NUDT9: variants seen among roughly 807,000 people sequenced by gnomAD.
NUDT9 encodes the protein ADP-ribose pyrophosphatase.
Under a neutral mutation model 41.0 loss-of-function variants are expected in NUDT9, and 31 were observed. The ratio of observed to expected loss-of-function variants is 0.76; its 90% confidence interval spans 0.57 to 1.02. The LOEUF is 1.02. Ranked by LOEUF, NUDT9 falls within the 50% of genes least tolerant of loss-of-function variation. The probability of loss-of-function intolerance (pLI) is 0.00; values close to 1 mark genes in which losing one functional copy is unlikely to be tolerated. For synonymous variants in NUDT9, 146 were observed against 147.6 expected (o/e 0.99, Z 0.08); for missense variants, 380 against 431.4 (o/e 0.88, Z 1.06).
In NUDT9 at chr4:87,434,977, C is replaced by G; in HGVS notation, c.108-4C>G. ...TGTAAAATGTTTTTCTTTTTCTCCC[C>G]CAGAAACTCGTTTTCATCTTCTTGG... On this transcript the variant is annotated splice_region_variant and splice_polypyrimidine_tract_variant and intron_variant, in intron 1 of 7. Transcript: ENST00000302174. 1.2e-6 allele frequency: 2 copies of G among 1,601,130 alleles called. No individual in the cohort carries two copies. Among genetic ancestry groups the G allele is most frequent in the Non-Finnish European group, 1.7e-6 (2 of 1,175,124 alleles).
At chr4:87,423,061 G>A (rs1428257684) in intron 1 of NUDT9, 49 bp downstream of exon 1, 1 of 1,438,106 alleles carries the variant, frequency 7.0e-7, no homozygotes, top group South Asian at 1.2e-5. Flanking sequence ...CCTTGAGTTG[G>A]GGGTGGGAAG....
intron 2 of NUDT9, among the ~76,000 whole-genome samples, chr4:87,437,085 C>G (rs1578070416): frequency 6.6e-6 from 1 of 151,652 alleles, no homozygotes. Context: ...CCTGTGTATA[C>G]CAAAAATATA....
At chr4:87,439,862 G>A (rs947258963) in intron 3 of NUDT9, among the ~76,000 whole-genome samples, 11 of 152,128 alleles carry the variant, frequency 7.2e-5, no homozygotes, top group Admixed American at 5.9e-4. Flanking sequence ...GTAAAAATTA[G>A]CATGTACCAA....
intron 4 of NUDT9, among the ~76,000 whole-genome samples, chr4:87,447,510 G>C (rs1345127054): frequency 6.8e-6 from 1 of 146,330 alleles, no homozygotes; most frequent in African/African-American, 2.5e-5. Flanking sequence ...TGTTTTGCCT[G>C]AGAGATCATT....
At chr4:87,442,939 A>C (rs1378594478) in intron 4 of NUDT9, among the ~76,000 whole-genome samples, 1 of 152,338 alleles carries the variant, frequency 6.6e-6, no homozygotes, top group East Asian at 1.9e-4. Context: ...TTTTTTTATA[A>C]GTAGAAGGAA....
chr4:87,423,549 C>T (rs760463618), intron 1 of NUDT9, among the ~76,000 whole-genome samples: 1 of 151,804 alleles, frequency 6.6e-6, no homozygotes, highest in Non-Finnish European at 1.5e-5. Flanking sequence ...AGTTTTTATT[C>T]TTTGAGTTAG....
Position 87,457,262 on chromosome 4 carries a change from A to T in NUDT9, c.875-581A>T, listed in dbSNP as rs535385006. On this transcript the variant is annotated intron_variant, in intron 7 of 7. Coordinates refer to ENST00000302174, the MANE Select transcript of NUDT9 (RefSeq NM_024047.5). ...TTTTTTTTTTTTTTTTTTGAGGTGGAGTCTCACCCTGTTGCCAGGCTGGAG... is the reference window on the plus strand; with the variant it reads ...TTTTTTTTTTTTTTTTTTGAGGTGGTGTCTCACCCTGTTGCCAGGCTGGAG... 1.0e-3 allele frequency among the ~76,000 whole-genome samples: 116 copies of T among 113,066 alleles called. 5 individuals are homozygous for T. The South Asian group carries it at 0.029, about 28-fold the overall frequency. 74.2% of individuals were successfully genotyped at this position (113,066 alleles called of 152,430 possible).
At chr4:87,441,798 A>G in intron 3 of NUDT9, 31 bp from the exon 4 acceptor site, 1 of 1,555,710 alleles carries the variant, frequency 6.4e-7, no homozygotes, top group Non-Finnish European at 8.8e-7. Flanking sequence ...GAACACATTC[A>G]ATTGATTTTA....
chr4:87,448,694 G>A (rs1400303910), intron 4 of NUDT9, among the ~76,000 whole-genome samples: 1 of 151,974 alleles, frequency 6.6e-6, no homozygotes, highest in Non-Finnish European at 1.5e-5. Context: ...TGCCCATCCT[G>A]GTCTTGAACT....
rs1349371978 is a variant in NUDT9, at chr4:87,458,680, A to C, written c.*659A>C. On this transcript the variant is annotated 3_prime_UTR_variant, in exon 8 of 8. Coordinates refer to ENST00000302174, the MANE Select transcript of NUDT9 (RefSeq NM_024047.5). ...ATTTTCAAAAATTCTGAATTAAAAA[A>C]AGTCCAGGAAGTTAGTAATTTAAAT... is the stretch of plus-strand genomic sequence containing the variant. The C allele has an allele frequency of 6.6e-6, 1 of 152,216 alleles. No homozygotes were observed. The highest frequency in any genetic ancestry group is 2.4e-5 in the African/African-American group (1 of 41,462). 9.4% of individuals were successfully genotyped at this position (152,216 alleles called of 1,614,324 possible).
At chr4:87,450,438 G>A (rs1269639661) in intron 5 of NUDT9, among the ~76,000 whole-genome samples, 1 of 141,000 alleles carries the variant, frequency 7.1e-6, no homozygotes, top group Non-Finnish European at 1.5e-5. Context: ...GGAGTGCAAT[G>A]GCATGATCTC....
intron 2 of NUDT9, among the ~76,000 whole-genome samples, chr4:87,437,465 C>G (rs189584733): frequency 0.011 from 1,714 of 150,178 alleles, 51 homozygotes; most frequent in African/African-American, 0.041. Context: ...CTCAGCCTCC[C>G]GAGTAGCTGG....
At chr4:87,440,453 C>T (rs577444706) in intron 3 of NUDT9, among the ~76,000 whole-genome samples, 180 of 152,304 alleles carry the variant, frequency 1.2e-3, no homozygotes, top group Non-Finnish European at 2.0e-3. Context: ...TTCCAGTTTC[C>T]TGTTTCCAAG....
chr4:87,453,486 G>A (rs1223145954), intron 6 of NUDT9, among the ~76,000 whole-genome samples: 1 of 151,944 alleles, frequency 6.6e-6, no homozygotes, highest in Non-Finnish European at 1.5e-5. Context: ...CTGGAGTGCA[G>A]TGATGCGATC....
At position 87,432,303 on chromosome 4, in the gene NUDT9, A is replaced by G. The variant is rs115963644; in HGVS notation, c.108-2678A>G. Among the ~76,000 whole-genome samples, 1,234 of 152,312 alleles carry G rather than the reference A, an allele frequency of 8.1e-3. 20 individuals are homozygous for G. The highest frequency in any genetic ancestry group is 0.028 in the African/African-American group (1,178 of 41,576). On this transcript the variant is annotated intron_variant, in intron 1 of 7. Coordinates refer to ENST00000302174, the MANE Select transcript of NUDT9 (RefSeq NM_024047.5). ...TAGCCTGGAGATACTTTTATACAGT[A>G]TTTTAAACTTGTGCCTGAAACAGTT...
At chr4:87,435,810 T>C (rs996235325) in intron 2 of NUDT9, among the ~76,000 whole-genome samples, 1 of 152,236 alleles carries the variant, frequency 6.6e-6, no homozygotes, top group Non-Finnish European at 1.5e-5. Flanking sequence ...TTTATTGATA[T>C]ATGATTGACA....
At chr4:87,434,763 G>A (rs1721841835) in intron 1 of NUDT9, among the ~76,000 whole-genome samples, 1 of 151,862 alleles carries the variant, frequency 6.6e-6, no homozygotes, top group African/African-American at 2.4e-5. Context: ...CCAAGTAGCT[G>A]GGATTACAGG....
In NUDT9 at chr4:87,434,966, C is replaced by T. The variant is rs762245562; in HGVS notation, c.108-15C>T. ...TTTGGTATTTATGTAAAATGTTTTT[C>T]TTTTTCTCCCCCAGAAACTCGTTTT... is the stretch of plus-strand genomic sequence containing the variant. On this transcript the variant is annotated splice_polypyrimidine_tract_variant and intron_variant, in intron 1 of 7. Coordinates refer to ENST00000302174, the MANE Select transcript of NUDT9 (RefSeq NM_024047.5). 1 of 1,592,864 alleles carries T rather than the reference C, an allele frequency of 6.3e-7. No homozygotes were observed. Among genetic ancestry groups the T allele is most frequent in the Admixed American group, 1.8e-5 (1 of 55,304 alleles).
intron 1 of NUDT9, among the ~76,000 whole-genome samples, chr4:87,432,659 A>G (rs1721737378): frequency 6.6e-6 from 1 of 151,872 alleles, no homozygotes; most frequent in Admixed American, 6.6e-5. Flanking sequence ...TATGGCCTTT[A>G]TTATGTTGAG....
Sources: gnomAD v4.1 joint callset for allele counts (sites outside exome capture counted in the v4.1 genomes callset) on GRCh38, gnomAD v4.1.1 for gene constraint, MANE v1.5 for transcripts, NCBI Gene and HGNC (gene_info 2026-07-23, HGNC 2026-07-21) for gene names.